C3orf20: variants seen among roughly 807,000 people sequenced by gnomAD.
The protein encoded by C3orf20 is uncharacterized protein C3orf20.
In C3orf20, 76 loss-of-function variants were observed where a neutral mutation model predicts 88.3. The ratio of observed to expected loss-of-function variants is 0.86; its 90% CI spans 0.72 to 1.04. The LOEUF is 1.04. C3orf20 is among the 50% of genes least tolerant of loss of function. C3orf20 has a pLI of 0.00. For synonymous variants in C3orf20, 436 were observed against 437.4 expected (o/e 1.00, Z 0.04); for missense variants, 1,056 against 1,123.3 (o/e 0.94, Z 0.86).
At chr3:14,754,025 T>C (rs1265058761) in intron 12 of C3orf20, among the ~76,000 whole-genome samples, 1 of 152,246 alleles carries the variant, frequency 6.6e-6, no homozygotes, top group Non-Finnish European at 1.5e-5. Flanking sequence ...CAGCCAGAGA[T>C]GAAAGCTTAG....
In C3orf20 at chr3:14,772,626, T is replaced by A. The variant is rs1485648573; in HGVS notation, c.2631-165T>A. Reference sequence around the variant, plus strand: ...ATAGAAAAGCAAAATTAGGAGCATGTAGAAAGGTCGCAGGTGCCACCGGGG... The same window carrying A: ...ATAGAAAAGCAAAATTAGGAGCATGAAGAAAGGTCGCAGGTGCCACCGGGG... On this transcript the variant is annotated intron_variant, in intron 16 of 16. Coordinates refer to ENST00000253697, the MANE Select transcript of C3orf20 (RefSeq NM_032137.5). The surrounding 1 kb of genome is among the most constrained non-coding windows in gnomAD (Gnocchi z 4.2). Among the ~76,000 whole-genome samples, 3 of 152,196 alleles carry A rather than the reference T, an allele frequency of 2.0e-5. No individual in the cohort carries two copies. The highest frequency in any genetic ancestry group is 7.2e-5 in the African/African-American group (3 of 41,448).
intron 15 of C3orf20, among the ~76,000 whole-genome samples, chr3:14,770,404 C>A (rs2035827619): frequency 6.6e-6 from 1 of 152,134 alleles, no homozygotes; most frequent in Non-Finnish European, 1.5e-5. Flanking sequence ...TAGGCTGTGT[C>A]TCCTCTTGTC....
At chr3:14,755,036 AT>A (rs2035322359) in intron 12 of C3orf20, among the ~76,000 whole-genome samples, 1 of 152,056 alleles carries the variant, frequency 6.6e-6, no homozygotes, top group Admixed American at 6.6e-5. Flanking sequence ...TCCCTCCTTT[AT>A]AATTTTTAAA....
At chr3:14,724,064 G>A (rs1419956382) in intron 10 of C3orf20, among the ~76,000 whole-genome samples, 5 of 151,994 alleles carry the variant, frequency 3.3e-5, no homozygotes, top group Non-Finnish European at 2.9e-5. Flanking sequence ...GATGACCCAC[G>A]CGCCTCAGCC....
chr3:14,752,779 G>A (rs1449764872), intron 12 of C3orf20, among the ~76,000 whole-genome samples: 8 of 152,222 alleles, frequency 5.3e-5, no homozygotes, highest in South Asian at 2.1e-4. Context: ...AAATCAAAAC[G>A]ATAATGAGAT....
At chr3:14,750,421 T>G (rs2035185786) in intron 12 of C3orf20, among the ~76,000 whole-genome samples, 1 of 152,054 alleles carries the variant, frequency 6.6e-6, no homozygotes, top group South Asian at 2.1e-4. Context: ...CCAGGAGTAG[T>G]ATCACGTGCC....
rs1343351161 is a variant in C3orf20 at position 14,703,111 on chromosome 3, T to C, written c.746-19T>C. On this transcript the variant is annotated intron_variant, in intron 5 of 16. Transcript: ENST00000253697. ...CATGGTCTTGGGCATCTCTCTAACT[T>C]CTTGCCCTCCAACTACAGGCAAATC... The C allele has an allele frequency of 1.2e-6, 2 of 1,613,888 alleles. No homozygotes were observed. Among genetic ancestry groups the C allele is most frequent in the Non-Finnish European group, 1.7e-6 (2 of 1,179,964 alleles).
chr3:14,732,871 T>TTATATTAACTATACCTTA lies in C3orf20; in HGVS notation c.1940+4188_1940+4189insTAACTATACCTTATATAT, dbSNP rs149886910. On this transcript the variant is annotated intron_variant, in intron 12 of 16. Coordinates refer to ENST00000253697, the MANE Select transcript of C3orf20 (RefSeq NM_032137.5). The stretch of plus-strand genomic sequence containing the variant: ...TCTATGATCCATTTTGAGTTAATTT[T>TTATATTAACTATACCTTA]TATATAAGGTATAGTGTATGAATTG... Among the ~76,000 whole-genome samples the TTATATTAACTATACCTTA allele has an allele frequency of 2.0e-5, 3 of 152,078 alleles. No homozygotes were observed. The East Asian group carries it at 5.8e-4, about 29-fold the overall frequency.
At chr3:14,705,017 C>G (rs1000584961) in intron 7 of C3orf20, among the ~76,000 whole-genome samples, 2 of 152,334 alleles carry the variant, frequency 1.3e-5, no homozygotes, top group Non-Finnish European at 2.9e-5. Flanking sequence ...CCTTCTCTCC[C>G]TGGCTCAGTG....
intron 8 of C3orf20, among the ~76,000 whole-genome samples, chr3:14,714,598 T>C (rs28380697): frequency 6.6e-6 from 1 of 152,100 alleles, no homozygotes; most frequent in Non-Finnish European, 1.5e-5. Flanking sequence ...TTTTTTGTTT[T>C]GTTTTTGTTT....
chr3:14,689,869 G>T, intron 4 of C3orf20, 128 bp from the exon 5 acceptor site: 2 of 1,232,154 alleles, frequency 1.6e-6, no homozygotes, highest in Non-Finnish European at 2.3e-6. Context: ...TAGGTGTTTT[G>T]TAACAATGCG....
rs1282791884 is a variant in C3orf20 at position 14,772,320 on chromosome 3, T to A, written c.2630+119T>A. On this transcript the variant is annotated intron_variant, in intron 16 of 16. Coordinates refer to ENST00000253697, the MANE Select transcript of C3orf20 (RefSeq NM_032137.5). This position sits in a 1 kb window ranked among gnomAD's most constrained non-coding sequence, Gnocchi z 4.2. Reference sequence around the variant, plus strand: ...GGCCTGGGTCATGTCCAACCATCGCTGACATCTAGCCCATGTAATCAACAC... The same window carrying A: ...GGCCTGGGTCATGTCCAACCATCGCAGACATCTAGCCCATGTAATCAACAC... The A allele has an allele frequency of 1.7e-6, 2 of 1,199,234 alleles. No homozygotes were observed. Among genetic ancestry groups the A allele is most frequent in the African/African-American group, 3.0e-5 (2 of 66,534 alleles). The allele number at this position is 1,199,234 out of a possible 1,614,324, so 74.3% of individuals were successfully genotyped here. A position where few individuals can be genotyped will look rare whatever the true frequency, so the allele number is the denominator to read the frequency against.
At chr3:14,752,617 C>T (rs2035251138) in intron 12 of C3orf20, among the ~76,000 whole-genome samples, 1 of 152,056 alleles carries the variant, frequency 6.6e-6, no homozygotes, top group African/African-American at 2.4e-5. Flanking sequence ...CCAGAATCTA[C>T]AAAGAACTTA....
intron 12 of C3orf20, among the ~76,000 whole-genome samples, chr3:14,749,297 T>C (rs1391450895): frequency 6.6e-6 from 1 of 152,228 alleles, no homozygotes; most frequent in Admixed American, 6.5e-5. Context: ...TAGGTTATTA[T>C]TTGCTTAGAG....
rs2035310635 is a variant in C3orf20 at position 14,754,621 on chromosome 3, T to C, written c.1941-2750T>C. Among the ~76,000 whole-genome samples the C allele has an allele frequency of 1.3e-5, 2 of 152,232 alleles. 1 individual carries two copies. The highest frequency in any genetic ancestry group is 4.1e-4 in the South Asian group (2 of 4,822). On this transcript the variant is annotated intron_variant, in intron 12 of 16. Transcript: ENST00000253697. Reference sequence around the variant, plus strand: ...TTTCTGACAGTGTTTGCCAGCTTCATTGTTGATCTAGTCAACGGATGTGGT... The same window carrying C: ...TTTCTGACAGTGTTTGCCAGCTTCACTGTTGATCTAGTCAACGGATGTGGT...
rs1348247082 is a variant in C3orf20, at chr3:14,738,818, T to A, written c.1940+10130T>A. On this transcript the variant is annotated intron_variant, in intron 12 of 16. Coordinates refer to ENST00000253697, the MANE Select transcript of C3orf20 (RefSeq NM_032137.5). ...ACCATGCCTGGCTAATTTTTTTGTT[T>A]TTTTTTTTTTTTTTTTTAGTAGAGA... Among the ~76,000 whole-genome samples the A allele has an allele frequency of 6.3e-3, 790 of 125,344 alleles. 5 individuals carry two copies. The highest frequency in any genetic ancestry group is 0.028 in the African/African-American group (728 of 26,140). The allele number at this position is 125,344 out of a possible 152,430, so 82.2% of individuals were successfully genotyped here. A position where few individuals can be genotyped will look rare whatever the true frequency, so the allele number is the denominator to read the frequency against.
rs370475716 is a variant in C3orf20, at chr3:14,683,002, C to T, written c.289C>T (p.Pro97Ser). ...CCCCACACTGAAGAAGCCACTACCT[C>T]CACCACCACCAGCACCACCACGTCC... ...QVPTLKKPLP[P>S]PPPAPPRPVL... Residue 97 changes from proline to serine, a missense_variant, in exon 3 of 17, where the codon CCA (proline) becomes TCA (serine). Transcript: ENST00000253697. 5 of 1,613,408 alleles carry T rather than the reference C, an allele frequency of 3.1e-6. No individual in the cohort carries two copies. Among genetic ancestry groups the T allele is most frequent in the Non-Finnish European group, 4.2e-6 (5 of 1,179,668 alleles).
chr3:14,688,788 C>T (rs1054171342), intron 4 of C3orf20, among the ~76,000 whole-genome samples: 14 of 151,940 alleles, frequency 9.2e-5, no homozygotes, highest in African/African-American at 3.4e-4. Context: ...TTCCTGTGCT[C>T]GTGTATGTAT....
At chr3:14,712,151 CAG>C (rs2033764263) in intron 7 of C3orf20, among the ~76,000 whole-genome samples, 2 of 140,820 alleles carry the variant, frequency 1.4e-5, no homozygotes, top group Non-Finnish European at 3.0e-5. Context: ...GAAGAGAAAA[CAG>C]ACACACACAC....
Sources: gnomAD v4.1 joint callset for allele counts (sites outside exome capture counted in the v4.1 genomes callset) on GRCh38, gnomAD v4.1.1 for gene constraint, Gnocchi (gnomAD v3.1) non-coding constraint, MANE v1.5 for transcripts, NCBI Gene and HGNC (gene_info 2026-07-23, HGNC 2026-07-21) for gene names.